Variants in LINGO2 observed in about 807,000 individuals in gnomAD.
The protein encoded by LINGO2 is leucine-rich repeat and immunoglobulin-like domain-containing nogo receptor-interacting protein 2.
In LINGO2, 14 loss-of-function variants were observed where a neutral mutation model predicts 30.6. The ratio of observed to expected loss-of-function variants is 0.46; its 90% CI spans 0.30 to 0.72. LINGO2 has a LOEUF of 0.72. Ranked by LOEUF, LINGO2 falls within the 30% of genes least tolerant of loss-of-function variation. The pLI, the probability that LINGO2 is intolerant of heterozygous loss-of-function variation, is 0.07. For synonymous variants in LINGO2, 317 were observed against 288.5 expected (o/e 1.10, Z -1.00); for missense variants, 729 against 751.7 (o/e 0.97, Z 0.35).
At chr9:29,083,063 C>A in the LINGO2 span, among the ~76,000 whole-genome samples, 7 of 152,126 alleles carry the variant, frequency 4.6e-5, no homozygotes, top group African/African-American at 1.4e-4. Flanking sequence ...TACCATTTGA[C>A]CCAGCCATCC....
chr9:28,141,761 A>C (rs1047693858), intron 4 of LINGO2, among the ~76,000 whole-genome samples: 1 of 152,112 alleles, frequency 6.6e-6, no homozygotes, highest in African/African-American at 2.4e-5. Flanking sequence ...GTGAGATACA[A>C]AAAAATTAGC....
chr9:28,842,558 T>C, the LINGO2 span, among the ~76,000 whole-genome samples: 1 of 151,798 alleles, frequency 6.6e-6, no homozygotes, highest in African/African-American at 2.4e-5. Context: ...AGGTGGATGC[T>C]CTAAAGTCCC....
chr9:29,029,592 G>C, the LINGO2 span, among the ~76,000 whole-genome samples: 2 of 152,104 alleles, frequency 1.3e-5, no homozygotes, highest in East Asian at 3.9e-4. Context: ...GAGAAAAACA[G>C]TGATAGATTT....
the LINGO2 span, among the ~76,000 whole-genome samples, chr9:29,127,433 C>T: frequency 6.6e-6 from 1 of 152,024 alleles, no homozygotes; most frequent in African/African-American, 2.4e-5. Context: ...CTGCTCCATA[C>T]AGGGGAACTC....
At chr9:28,111,510 G>A (rs759524118) in intron 4 of LINGO2, among the ~76,000 whole-genome samples, 6 of 151,964 alleles carry the variant, frequency 3.9e-5, no homozygotes, top group South Asian at 4.2e-4. Flanking sequence ...CTTTTAACTC[G>A]GGCCAGCTGT....
chr9:27,986,573 GAC>G (rs368308157), intron 5 of LINGO2, among the ~76,000 whole-genome samples: 152 of 151,950 alleles, frequency 1.0e-3, no homozygotes, highest in African/African-American at 3.1e-3. Flanking sequence ...AGGAAAAACT[GAC>G]AGCCTCTCAC....
chr9:28,572,533 G>A (rs902047386), intron 1 of LINGO2, among the ~76,000 whole-genome samples: 2 of 152,076 alleles, frequency 1.3e-5, no homozygotes, highest in African/African-American at 4.8e-5. Flanking sequence ...TTCATGGTCT[G>A]CTCTTGTCCT....
At chr9:28,587,319 C>T (rs1013013994) in intron 1 of LINGO2, among the ~76,000 whole-genome samples, 8 of 152,002 alleles carry the variant, frequency 5.3e-5, no homozygotes, top group African/African-American at 1.9e-4. Flanking sequence ...TCAGCTAGAG[C>T]AGAAAGGCAT....
chr9:28,112,014 G>T (rs912952676), intron 4 of LINGO2, among the ~76,000 whole-genome samples: 5 of 129,526 alleles, frequency 3.9e-5, no homozygotes, highest in South Asian at 2.9e-4. Flanking sequence ...ACCCACTAAT[G>T]TGTCATCTAG....
At chr9:28,984,359 A>G in the LINGO2 span, among the ~76,000 whole-genome samples, 3 of 152,240 alleles carry the variant, frequency 2.0e-5, no homozygotes, top group Admixed American at 1.3e-4. Context: ...AAAGTTCTGC[A>G]ACACACTAAT....
At chr9:28,216,351 T>A (rs1820766504) in intron 4 of LINGO2, among the ~76,000 whole-genome samples, 1 of 151,968 alleles carries the variant, frequency 6.6e-6, no homozygotes, top group African/African-American at 2.4e-5. Flanking sequence ...TCTGAAGTTC[T>A]AAGCATATTA....
chr9:28,467,922 T>C (rs1415043489), intron 2 of LINGO2, among the ~76,000 whole-genome samples: 1 of 152,162 alleles, frequency 6.6e-6, no homozygotes, highest in African/African-American at 2.4e-5. Flanking sequence ...TTTCCAATGC[T>C]GAAATCATAT....
intron 1 of LINGO2, among the ~76,000 whole-genome samples, chr9:28,496,797 C>A (rs1220508719): frequency 6.6e-6 from 1 of 152,044 alleles, no homozygotes; most frequent in Non-Finnish European, 1.5e-5. Flanking sequence ...TGGCTGGTAC[C>A]AGTTGTTCCT....
intron 2 of LINGO2, among the ~76,000 whole-genome samples, chr9:28,465,879 T>C (rs1201677360): frequency 6.6e-6 from 1 of 152,100 alleles, no homozygotes; most frequent in Non-Finnish European, 1.5e-5. Flanking sequence ...TCGCTGATCA[T>C]CAGAGGAATA....
At chr9:28,079,092 A>G (rs531076926) in intron 4 of LINGO2, among the ~76,000 whole-genome samples, 3 of 149,032 alleles carry the variant, frequency 2.0e-5, no homozygotes, top group African/African-American at 7.8e-5. Context: ...TTAAGTGAAG[A>G]TATATTTGTT....
At chr9:28,326,068 G>T (rs140633022) in intron 3 of LINGO2, among the ~76,000 whole-genome samples, 1 of 152,120 alleles carries the variant, frequency 6.6e-6, no homozygotes, top group Admixed American at 6.5e-5. Flanking sequence ...GTGCAGTGGC[G>T]TGATCTTGGC....
intron 4 of LINGO2, among the ~76,000 whole-genome samples, chr9:28,210,005 C>A (rs1564046079): frequency 6.6e-6 from 1 of 151,716 alleles, no homozygotes; most frequent in African/African-American, 2.4e-5. Context: ...AATTAACATG[C>A]CCTAAAGCCA....
At chr9:28,414,899 A>G (rs1822907972) in intron 2 of LINGO2, among the ~76,000 whole-genome samples, 1 of 152,110 alleles carries the variant, frequency 6.6e-6, no homozygotes, top group Admixed American at 6.6e-5. Context: ...TGTTTATTAT[A>G]GTAGAGCACT....
At chr9:28,738,148 C>T in the LINGO2 span, among the ~76,000 whole-genome samples, 1 of 152,070 alleles carries the variant, frequency 6.6e-6, no homozygotes, top group Admixed American at 6.6e-5. Flanking sequence ...AGAACACAAG[C>T]ATTAATTAAT....
Sources: allele counts gnomAD v4.1 joint callset (sites outside exome capture counted in the v4.1 genomes callset), GRCh38; gene constraint gnomAD v4.1.1; transcripts MANE v1.5; gene names NCBI Gene and HGNC (gene_info 2026-07-23, HGNC 2026-07-21).